ARFGEF1: variants seen among roughly 807,000 people sequenced by gnomAD.
The protein encoded by ARFGEF1 is ARF guanine nucleotide exchange factor 1.
Under a neutral mutation model 231.0 loss-of-function variants are expected in ARFGEF1, and 42 were observed. The ratio of observed to expected loss-of-function variants is 0.18; its 90% CI spans 0.14 to 0.24. The LOEUF (loss-of-function observed/expected upper bound fraction) is 0.24. ARFGEF1 is among the 10% of genes least tolerant of loss of function. The probability of loss-of-function intolerance (pLI) is 1.00; values close to 1 mark genes in which losing one functional copy is unlikely to be tolerated. For synonymous variants in ARFGEF1, 710 were observed against 732.3 expected, an observed-to-expected ratio of 0.97 and a Z score of 0.49; for missense variants, 1,345 against 2,192.0, an observed-to-expected ratio of 0.61 and a Z score of 7.72.
intron 6 of ARFGEF1, among the ~76,000 whole-genome samples, chr8:67,289,827 T>A (rs1805932041): frequency 6.6e-6 from 1 of 152,190 alleles, no homozygotes; most frequent in Non-Finnish European, 1.5e-5. Context: ...TCTGCCATTC[T>A]TAAGTGTTTT....
intron 7 of ARFGEF1, among the ~76,000 whole-genome samples, chr8:67,286,749 C>T (rs1256147842): frequency 1.3e-5 from 2 of 152,138 alleles, no homozygotes; most frequent in African/African-American, 2.4e-5. Flanking sequence ...CGGTTCTTCA[C>T]TCTCTACCAT....
chr8:67,276,099 T>G lies in ARFGEF1; in HGVS notation c.1214A>C (p.Asn405Thr), dbSNP rs1805300521. Residue 405 changes from asparagine to threonine, a missense_variant, in exon 9 of 39, where the codon AAT becomes ACT. Transcript: ENST00000262215. Reference sequence around the variant, plus strand: ...AGCACCAGGTGAAGGTCCTGAAGAATTTCCAGATTCCTAAACAAGTTAACA... The same window carrying G: ...AGCACCAGGTGAAGGTCCTGAAGAAGTTCCAGATTCCTAAACAAGTTAACA... ...VSSNDTQESG[N>T]SSGPSPGAKF... 6.2e-7 allele frequency: 1 copy of G among 1,613,114 alleles called. No homozygotes were observed. The highest frequency in any genetic ancestry group is 1.7e-4 in the Middle Eastern group (1 of 6,056).
intron 5 of ARFGEF1, 104 bp from the exon 6 acceptor site, chr8:67,292,227 A>G (rs2087774191): frequency 1.1e-6 from 1 of 931,630 alleles, no homozygotes; most frequent in African/African-American, 1.7e-5. Flanking sequence ...CATTCTCTCT[A>G]CGCTTGGAAA....
intron 1 of ARFGEF1, among the ~76,000 whole-genome samples, chr8:67,313,901 G>C (rs1013406433): frequency 1.3e-5 from 2 of 152,108 alleles, no homozygotes; most frequent in Non-Finnish European, 2.9e-5. Flanking sequence ...GCAGGGCTAG[G>C]TGGGTCTGAG....
chr8:67,178,579 C>T (rs1369327241), intron 5 of ARFGEF1, among the ~76,000 whole-genome samples: 1 of 152,064 alleles, frequency 6.6e-6, no homozygotes, highest in East Asian at 1.9e-4. Context: ...CTGGAGGATC[C>T]TGGGTGGGAG....
chr8:67,318,959 T>C (rs1219888116), intron 1 of ARFGEF1, among the ~76,000 whole-genome samples: 1 of 152,176 alleles, frequency 6.6e-6, no homozygotes, highest in Non-Finnish European at 1.5e-5. Flanking sequence ...AACGAGACCC[T>C]GTCTCAAAAC....
chr8:67,202,268 CT>C (rs1037682705), intron 36 of ARFGEF1, among the ~76,000 whole-genome samples: 22 of 151,932 alleles, frequency 1.4e-4, no homozygotes, highest in African/African-American at 4.8e-4. Context: ...TTTTTCTTTT[CT>C]TTTTTTAAGA....
chr8:67,227,678 A>T lies in ARFGEF1; in HGVS notation c.3592-80T>A, dbSNP rs962649745. ...CAATTCTTTATTTTTTGTTTTAGAA[A>T]AAGTATAGAATAGCATAGATAGGTA... is the stretch of plus-strand genomic sequence containing the variant. On this transcript the variant is annotated intron_variant, in intron 25 of 38. Transcript: ENST00000262215. 8.2e-6 allele frequency: 12 copies of T among 1,469,090 alleles called. No individual in the cohort carries two copies. The East Asian group carries it at 2.8e-4, about 34-fold the overall frequency. The allele number at this position is 1,469,090 out of a possible 1,614,324, so 91.0% of individuals were successfully genotyped here.
downstream of ARFGEF1, chr8:67,195,685 GAA>G (rs1381630487): frequency 9.7e-7 from 1 of 1,027,542 alleles, no homozygotes; most frequent in Non-Finnish European, 1.4e-6. Flanking sequence ...GCCCCTACCT[GAA>G]AGTTACTTTT....
intron 1 of ARFGEF1, among the ~76,000 whole-genome samples, chr8:67,310,871 G>A (rs76650391): frequency 0.29 from 42,960 of 150,468 alleles, 6,228 homozygotes; most frequent in East Asian, 0.38. Context: ...CAGCTGCCCC[G>A]TCTGAGAAGT....
chr8:67,223,630 G>A (rs1033868253), intron 29 of ARFGEF1, among the ~76,000 whole-genome samples: 10 of 152,060 alleles, frequency 6.6e-5, no homozygotes, highest in African/African-American at 2.2e-4. Context: ...TTTAACAACT[G>A]GAATCTACCC....
chr8:67,220,657 C>CAA (rs1381416010), intron 29 of ARFGEF1, among the ~76,000 whole-genome samples: 2 of 152,222 alleles, frequency 1.3e-5, no homozygotes, highest in African/African-American at 2.4e-5. Context: ...AGACGCCTGT[C>CAA]AGAGTTCCAC....
In ARFGEF1 at chr8:67,259,818, G is replaced by A. The variant is rs780151402; in HGVS notation, c.2232C>T (p.Asp744=). The change falls in exon 15 of 39, where the codon GAC becomes GAT. Residue 744 remains aspartate (D), a synonymous_variant. Transcript: ENST00000262215. ...AQFLHQEERL[D]STQVGEFLGD... ...AGAATGAAAATGGTATTCTTACAGA[G>A]TCTAATCTTTCCTCTTGATGTAAGA... The A allele has an allele frequency of 1.6e-5, 26 of 1,589,638 alleles. No homozygotes were observed. The Admixed American group carries it at 3.4e-4, about 21-fold the overall frequency.
intron 35 of ARFGEF1, among the ~76,000 whole-genome samples, chr8:67,204,147 C>T (rs968090557): frequency 1.3e-5 from 2 of 152,138 alleles, no homozygotes; most frequent in African/African-American, 4.8e-5. Flanking sequence ...TACAGCAAAA[C>T]TTCTTAACAG....
rs529446549 is a variant in ARFGEF1 at position 67,307,716 on chromosome 8, A to T, written c.125-5250T>A. Among the ~76,000 whole-genome samples, 9 of 152,342 alleles carry T rather than the reference A, an allele frequency of 5.9e-5. No individual in the cohort carries two copies. The South Asian group carries it at 1.5e-3, about 25-fold the overall frequency. On this transcript the variant is annotated intron_variant, in intron 1 of 38. Transcript: ENST00000262215. Reference sequence around the variant, plus strand: ...AAGATTTATGAATTTGAAAACTGGGAGAGAGTGTGGCTGACTATATTTCCC... The same window carrying T: ...AAGATTTATGAATTTGAAAACTGGGTGAGAGTGTGGCTGACTATATTTCCC...
intron 19 of ARFGEF1, among the ~76,000 whole-genome samples, chr8:67,248,710 G>T (rs1840180112): frequency 6.6e-6 from 1 of 150,404 alleles, no homozygotes; most frequent in Non-Finnish European, 1.5e-5. Flanking sequence ...CCACAGAATA[G>T]TGGTTCTCAT....
chr8:67,197,969 CAT>C lies in ARFGEF1; in HGVS notation c.*963_*964del. ...AATATATTCAACGTTAAATTCTGTA[CAT>C]AGAGTAAAATCTACATCAAGCCCCA... is the stretch of plus-strand genomic sequence containing the variant. On this transcript the variant is annotated 3_prime_UTR_variant, in exon 39 of 39. Transcript: ENST00000262215. 1 of 985,784 alleles carries C rather than the reference CAT, an allele frequency of 1.0e-6. No individual in the cohort carries two copies. The highest frequency in any genetic ancestry group is 1.2e-6 in the Non-Finnish European group (1 of 829,920). 61.1% of individuals were successfully genotyped at this position (985,784 alleles called of 1,614,324 possible).
intron 5 of ARFGEF1, among the ~76,000 whole-genome samples, chr8:67,295,796 G>T (rs1023506228): frequency 6.6e-6 from 1 of 152,128 alleles, no homozygotes; most frequent in South Asian, 2.1e-4. Flanking sequence ...TACTATGTAG[G>T]TATGTAAGTT....
At chr8:67,260,635 G>C (rs1367420211) in intron 14 of ARFGEF1, among the ~76,000 whole-genome samples, 2 of 151,972 alleles carry the variant, frequency 1.3e-5, no homozygotes, top group Non-Finnish European at 2.9e-5. Flanking sequence ...TCCCTATTCT[G>C]AGACAAAAAA....
Sources: gnomAD v4.1 joint callset for allele counts (sites outside exome capture counted in the v4.1 genomes callset) on GRCh38, gnomAD v4.1.1 for gene constraint, MANE v1.5 for transcripts, NCBI Gene and HGNC (gene_info 2026-07-23, HGNC 2026-07-21) for gene names.